Variants in PCBP4 observed in about 807,000 individuals in gnomAD.
PCBP4 encodes the protein poly(rC)-binding protein 4.
Under a neutral mutation model 46.2 loss-of-function variants are expected in PCBP4, and 24 were observed. That is an observed-to-expected ratio of 0.52 (90% CI 0.38 to 0.73). The LOEUF is 0.73. Among genes scored for constraint, PCBP4 ranks in the 30% least tolerant of loss-of-function variants. The pLI is 0.00. For synonymous variants in PCBP4, 203 were observed against 224.4 expected (o/e 0.90, Z 0.85); for missense variants, 407 against 537.0 (o/e 0.76, Z 2.39).
chr3:51,959,176 G>T lies in PCBP4; in HGVS notation c.700+53C>A. ...CATTTCCACTCTCCCTGGAAGGGAG[G>T]GGGCTGCCCTCTTAGGACCCTCCCC... On this transcript the variant is annotated intron_variant, in intron 11 of 13. Transcript: ENST00000461554. This position sits in a 1 kb window ranked among gnomAD's most constrained non-coding sequence, Gnocchi z 5.6. The T allele has an allele frequency of 6.2e-7, 1 of 1,611,708 alleles. No homozygotes were observed. Among genetic ancestry groups the T allele is most frequent in the East Asian group, 2.2e-5 (1 of 44,860 alleles).
intron 1 of PCBP4, among the ~76,000 whole-genome samples, chr3:51,967,055 G>A (rs7426999): frequency 0.044 from 6,763 of 152,252 alleles, 537 homozygotes; most frequent in African/African-American, 0.16. Context: ...TCAGAGAGAG[G>A]AGCAGGCGCA....
At position 51,959,801 on chromosome 3, in the gene PCBP4, C is replaced by G; in HGVS notation, c.516+94G>C. On this transcript the variant is annotated intron_variant, in intron 8 of 13. Coordinates refer to ENST00000461554, the MANE Select transcript of PCBP4 (RefSeq NM_001174100.2). This position sits in a 1 kb window ranked among gnomAD's most constrained non-coding sequence, Gnocchi z 5.6. ...ATCCATCCCTGCAGCCCTGCCCTGCCCCACCTGCAGCACAGGCATAGGGTT... is the reference window on the plus strand; with the variant it reads ...ATCCATCCCTGCAGCCCTGCCCTGCGCCACCTGCAGCACAGGCATAGGGTT... 2 of 1,527,248 alleles carry G rather than the reference C, an allele frequency of 1.3e-6. No individual in the cohort carries two copies. The highest frequency in any genetic ancestry group is 1.8e-6 in the Non-Finnish European group (2 of 1,129,408). The allele number at this position is 1,527,248 out of a possible 1,614,324, so 94.6% of individuals were successfully genotyped here. A position where few individuals can be genotyped will look rare whatever the true frequency, so the allele number is the denominator to read the frequency against.
Position 51,960,583 on chromosome 3 carries a change from G to A in PCBP4, c.198C>T (p.Thr66=), listed in dbSNP as rs141853993. ...GSCPERITTI[T]GSTAAVFHAV... ...CATGGAAGACAGCTGCTGTAGACCCGGTGATGGTGGTGATGCGTTCAGGGC... is the reference window on the plus strand; with the variant it reads ...CATGGAAGACAGCTGCTGTAGACCCAGTGATGGTGGTGATGCGTTCAGGGC... Residue 66 remains threonine, a synonymous_variant, in exon 6 of 14, where the codon ACC becomes ACT. Transcript: ENST00000461554. This position sits in a 1 kb window ranked among gnomAD's most constrained non-coding sequence, Gnocchi z 5.0. 1.1e-5 allele frequency: 18 copies of A among 1,614,054 alleles called. No homozygotes were observed. The African/African-American group carries it at 1.3e-4, about 12-fold the overall frequency.
intron 2 of PCBP4, chr3:51,961,576 C>T: frequency 2.5e-6 from 1 of 404,494 alleles, no homozygotes; most frequent in Non-Finnish European, 4.3e-6. Context: ...AGAATTAAAA[C>T]AATAAGCACA....
chr3:51,965,214 C>T (rs557370128), intron 1 of PCBP4, among the ~76,000 whole-genome samples: 1 of 152,316 alleles, frequency 6.6e-6, no homozygotes, highest in Admixed American at 6.5e-5. Flanking sequence ...TGCCCAGTCC[C>T]CAAAGAATAA....
chr3:51,966,584 T>G (rs1430950658), intron 1 of PCBP4, among the ~76,000 whole-genome samples: 1 of 152,064 alleles, frequency 6.6e-6, no homozygotes, highest in Non-Finnish European at 1.5e-5. Flanking sequence ...AGCACGAACA[T>G]GAGCATCCTG....
In PCBP4 at chr3:51,957,604, A is replaced by T. The variant is rs1699883409; in HGVS notation, c.*457T>A. 1 of 154,232 alleles carries T rather than the reference A, an allele frequency of 6.5e-6. No homozygotes were observed. Among genetic ancestry groups the T allele is most frequent in the African/African-American group, 2.4e-5 (1 of 41,490 alleles). 9.6% of individuals were successfully genotyped at this position (154,232 alleles called of 1,614,324 possible). ...GGGGTGCCCCCTGACAAGCCCAGCCAGTTCATTCCAGTCAAAAGGGTATCA... is the reference window on the plus strand; with the variant it reads ...GGGGTGCCCCCTGACAAGCCCAGCCTGTTCATTCCAGTCAAAAGGGTATCA... On this transcript the variant is annotated 3_prime_UTR_variant, in exon 14 of 14. Coordinates refer to ENST00000461554, the MANE Select transcript of PCBP4 (RefSeq NM_001174100.2).
At chr3:51,962,737 G>A (rs1700240492) in intron 1 of PCBP4, 1 of 152,224 alleles carries the variant, frequency 6.6e-6, no homozygotes, top group Non-Finnish European at 1.5e-5. Context: ...GAAGGTGAAA[G>A]GGGCTCCCAG....
Position 51,960,448 on chromosome 3 carries a change from C to A in PCBP4, c.255+78G>T. ...CCTGGGCTTGACCTCCCCTCCCACC[C>A]ATAGCCACTATCTGGAGTCAGAGTT... On this transcript the variant is annotated intron_variant, in intron 6 of 13. Transcript: ENST00000461554. The surrounding 1 kb of genome is among the most constrained non-coding windows in gnomAD (Gnocchi z 5.0). The A allele has an allele frequency of 6.4e-7, 1 of 1,550,638 alleles. No individual in the cohort carries two copies.
intron 1 of PCBP4, among the ~76,000 whole-genome samples, chr3:51,962,569 G>A (rs1298016323): frequency 1.3e-5 from 2 of 152,090 alleles, no homozygotes; most frequent in Non-Finnish European, 2.9e-5. Context: ...GGAGGGTGTG[G>A]GGATGAAGGA....
rs571431229 is a variant in PCBP4 at position 51,960,693 on chromosome 3, T to G, written c.139-51A>C. ...CAGCGGGGCATCTTCCCTGCTCCCT[T>G]GCCGGAACTTGTCTGCCTGCCCCAC... is the stretch of plus-strand genomic sequence containing the variant. On this transcript the variant is annotated intron_variant, in intron 5 of 13. Transcript: ENST00000461554. The surrounding 1 kb of genome is among the most constrained non-coding windows in gnomAD (Gnocchi z 5.0). The G allele has an allele frequency of 6.5e-7, 1 of 1,527,706 alleles. No individual in the cohort carries two copies. Among genetic ancestry groups the G allele is most frequent in the South Asian group, 1.1e-5 (1 of 89,404 alleles). The allele number at this position is 1,527,706 out of a possible 1,614,324, so 94.6% of individuals were successfully genotyped here.
intron 1 of PCBP4, among the ~76,000 whole-genome samples, chr3:51,964,321 A>T (rs965038830): frequency 6.6e-6 from 1 of 152,206 alleles, no homozygotes; most frequent in African/African-American, 2.4e-5. Context: ...CTCACCCCAC[A>T]TGCAGGGATC....
chr3:51,966,038 G>C (rs1027944592), intron 1 of PCBP4, among the ~76,000 whole-genome samples: 4 of 152,366 alleles, frequency 2.6e-5, no homozygotes, highest in African/African-American at 9.6e-5. Context: ...TGTTTGTAAG[G>C]CTACATGGGA....
At position 51,960,353 on chromosome 3, in the gene PCBP4, CG is replaced by C; in HGVS notation, c.256-34del. ...AGGGAGACGGTGGGTTGGCCATGCT[CG>C]TCCCTGCTATATCTGCCCAGGGGTC... On this transcript the variant is annotated intron_variant, in intron 6 of 13. Coordinates refer to ENST00000461554, the MANE Select transcript of PCBP4 (RefSeq NM_001174100.2). The surrounding 1 kb of genome is among the most constrained non-coding windows in gnomAD (Gnocchi z 5.0). 1.2e-6 allele frequency: 2 copies of C among 1,606,182 alleles called. No homozygotes were observed. Among genetic ancestry groups the C allele is most frequent in the Non-Finnish European group, 1.7e-6 (2 of 1,175,696 alleles).
intron 2 of PCBP4, 143 bp from the exon 3 acceptor site, chr3:51,961,447 C>T: frequency 1.0e-6 from 1 of 992,900 alleles, no homozygotes; most frequent in Non-Finnish European, 1.4e-6. Flanking sequence ...ATCACTCTGA[C>T]CAGGGTGCTT....
chr3:51,960,775 G>T lies in PCBP4; in HGVS notation c.138+91C>A. The T allele has an allele frequency of 6.6e-7, 1 of 1,512,492 alleles. No individual in the cohort carries two copies. Among genetic ancestry groups the T allele is most frequent in the Non-Finnish European group, 9.2e-7 (1 of 1,087,874 alleles). The allele number at this position is 1,512,492 out of a possible 1,614,324, so 93.7% of individuals were successfully genotyped here. On this transcript the variant is annotated intron_variant, in intron 5 of 13. Coordinates refer to ENST00000461554, the MANE Select transcript of PCBP4 (RefSeq NM_001174100.2). The surrounding 1 kb of genome is among the most constrained non-coding windows in gnomAD (Gnocchi z 5.0). ...CACCCTCTGGGGGACTCACTGGTCAGCCCAGAAGGAGTGGTTCAGAGAGAA... is the reference window on the plus strand; with the variant it reads ...CACCCTCTGGGGGACTCACTGGTCATCCCAGAAGGAGTGGTTCAGAGAGAA...
rs954023815 is a variant in PCBP4, at chr3:51,961,924, G to A, written c.-65+17C>T. 5.5e-5 allele frequency: 9 copies of A among 163,464 alleles called. No individual in the cohort carries two copies. Among genetic ancestry groups the A allele is most frequent in the Non-Finnish European group, 8.9e-5 (7 of 78,312 alleles). The allele number at this position is 163,464 out of a possible 1,614,324, so 10.1% of individuals were successfully genotyped here. ...AGGCAGGGGTTGAGGGGGGAATTGA[G>A]GCACACTCCCACCTACCAAAAGTCA... is the stretch of plus-strand genomic sequence containing the variant. On this transcript the variant is annotated intron_variant, in intron 2 of 13. Transcript: ENST00000461554.
rs1387851612 is a variant in PCBP4, at chr3:51,958,274, T to G, written c.999A>C (p.Pro333=). 6.4e-7 allele frequency: 1 copy of G among 1,572,524 alleles called. No individual in the cohort carries two copies. The highest frequency in any genetic ancestry group is 8.6e-7 in the Non-Finnish European group (1 of 1,161,100). Reference sequence around the variant, plus strand: ...GAGCTGTGGGCAGGGCCGTCAGGGGTGGCGAGAAGGGGGCAGGCAGGTCTG... The same window carrying G: ...GAGCTGTGGGCAGGGCCGTCAGGGGGGGCGAGAAGGGGGCAGGCAGGTCTG... The part of the protein sequence containing the change: ...APADLPAPFS[P]PLTALPTAPP... Residue 333 remains proline (P), a synonymous_variant, in exon 14 of 14, where the codon CCA becomes CCC. Transcript: ENST00000461554. The surrounding 1 kb of genome is among the most constrained non-coding windows in gnomAD (Gnocchi z 5.4).
intron 1 of PCBP4, among the ~76,000 whole-genome samples, chr3:51,962,364 A>G (rs1448613177): frequency 6.6e-6 from 1 of 151,830 alleles, no homozygotes; most frequent in African/African-American, 2.4e-5. Flanking sequence ...ACCCTTTTTC[A>G]TGCCCCGACT....
Sources: allele counts gnomAD v4.1 joint callset (sites outside exome capture counted in the v4.1 genomes callset), GRCh38; gene constraint gnomAD v4.1.1; non-coding constraint Gnocchi (gnomAD v3.1); transcripts MANE v1.5; gene names NCBI Gene and HGNC (gene_info 2026-07-23, HGNC 2026-07-21).